KNDC1: variants seen among roughly 807,000 people sequenced by gnomAD.
The protein encoded by KNDC1 is kinase non-catalytic C-lobe domain-containing protein 1.
In KNDC1, 106 loss-of-function variants were observed where a neutral mutation model predicts 172.8. The observed-to-expected ratio is 0.61, with a 90% confidence interval of 0.52 to 0.72. The LOEUF (loss-of-function observed/expected upper bound fraction) is 0.72, where lower values mean the gene tolerates loss of function less well. Ranked by LOEUF, KNDC1 falls within the 30% of genes least tolerant of loss-of-function variation. The pLI is 0.00. For synonymous variants in KNDC1, 1,083 were observed against 1,062.2 expected, an observed-to-expected ratio of 1.02 and a Z score of -0.38; for missense variants, 2,325 against 2,394.5, an observed-to-expected ratio of 0.97 and a Z score of 0.61.
At position 133,206,858 on chromosome 10, in the gene KNDC1, T is replaced by G; in HGVS notation, c.3484T>G (p.Ser1162Ala). ...CACCCACTCTGCTCCACCCACAGGTTCCGACGTCAAGACCATGCTGTCCAA... is the reference window on the plus strand; with the variant it reads ...CACCCACTCTGCTCCACCCACAGGTGCCGACGTCAAGACCATGCTGTCCAA... ...LLQKEKRNKG[S>A]DVKTMLSKLK... Residue 1162 changes from serine (S) to alanine (A), a missense_variant and splice_region_variant, in exon 19 of 30, where the codon TCC becomes GCC. Ser to Ala is a moderately conservative substitution (Grantham distance 99). Coordinates refer to ENST00000304613, the MANE Select transcript of KNDC1 (RefSeq NM_152643.8). 1 of 1,614,086 alleles carries G rather than the reference T, an allele frequency of 6.2e-7. No individual in the cohort carries two copies. The highest frequency in any genetic ancestry group is 1.7e-5 in the Admixed American group (1 of 60,016).
Position 133,224,028 on chromosome 10 carries a change from T to C in KNDC1, c.5019-631T>C, listed in dbSNP as rs1371203808. ...CCATCCAGGCATGCTCTTCCCGGCG[T>C]GTGTGTGTGTGAGAGCCCATCCAGG... On this transcript the variant is annotated intron_variant, in intron 29 of 29. Coordinates refer to ENST00000304613, the MANE Select transcript of KNDC1 (RefSeq NM_152643.8). The surrounding 1 kb of genome is among the most constrained non-coding windows in gnomAD (Gnocchi z 5.4). Among the ~76,000 whole-genome samples the C allele has an allele frequency of 3.3e-5, 5 of 150,818 alleles. No homozygotes were observed. The highest frequency in any genetic ancestry group is 1.2e-4 in the African/African-American group (5 of 40,938).
chr10:133,167,404 C>T lies in KNDC1; in HGVS notation c.126C>T (p.Ile42=), dbSNP rs1243316872. 2 of 1,595,484 alleles carry T rather than the reference C, an allele frequency of 1.3e-6. No homozygotes were observed. Among genetic ancestry groups the T allele is most frequent in the South Asian group, 2.3e-5 (2 of 87,614 alleles). Residue 42 remains isoleucine, a synonymous_variant, in exon 2 of 30, where the codon ATC becomes ATT. Transcript: ENST00000304613. ...AGGAGAACGTGTCTCTGGCTGACATCCTCTCCCTGCGGGACCGCGGCCTCA... is the reference window on the plus strand; with the variant it reads ...AGGAGAACGTGTCTCTGGCTGACATTCTCTCCCTGCGGGACCGCGGCCTCA... ...EDEENVSLAD[I]LSLRDRGLSE... is the part of the protein sequence containing the mutation.
At chr10:133,194,914 G>A (rs1028598708) in intron 9 of KNDC1, among the ~76,000 whole-genome samples, 3 of 152,184 alleles carry the variant, frequency 2.0e-5, no homozygotes, top group South Asian at 2.1e-4. Flanking sequence ...GATATCAACC[G>A]CGACCATCTG....
intron 5 of KNDC1, among the ~76,000 whole-genome samples, chr10:133,185,665 A>G (rs1426239228): frequency 6.6e-6 from 1 of 151,022 alleles, no homozygotes; most frequent in Non-Finnish European, 1.5e-5. Context: ...GGATGAGATA[A>G]TTAGGTCCAG....
At chr10:133,164,371 A>T (rs1467756325) in intron 1 of KNDC1, 2 of 152,366 alleles carry the variant, frequency 1.3e-5, no homozygotes, top group Non-Finnish European at 2.9e-5. Context: ...CTGGCCAGCC[A>T]CAACAAGGTC....
chr10:133,195,229 C>T (rs1854155037), intron 9 of KNDC1, among the ~76,000 whole-genome samples: 1 of 152,206 alleles, frequency 6.6e-6, no homozygotes, highest in Admixed American at 6.5e-5. Flanking sequence ...TGTGTTCGCT[C>T]GGAGAGCCAG....
chr10:133,184,424 T>TCA (rs5789155), intron 5 of KNDC1, among the ~76,000 whole-genome samples: 128,086 of 151,980 alleles, frequency 0.84, 54,169 homozygotes, highest in Middle Eastern at 0.91. Context: ...ACTCACACAT[T>TCA]CAGAGATCAC....
At chr10:133,197,546 G>T in intron 11 of KNDC1, 129 bp from the exon 12 acceptor site, 2 of 750,410 alleles carry the variant, frequency 2.7e-6, no homozygotes, top group South Asian at 1.5e-5. Context: ...CCGTGTGGCC[G>T]CCATGCCCGG....
intron 9 of KNDC1, among the ~76,000 whole-genome samples, chr10:133,194,147 A>G (rs530985146): frequency 6.6e-6 from 1 of 152,206 alleles, no homozygotes. Flanking sequence ...CCCACTGACT[A>G]TACACCAAGC....
chr10:133,161,164 C>T (rs548436342), intron 1 of KNDC1, among the ~76,000 whole-genome samples: 1 of 152,304 alleles, frequency 6.6e-6, no homozygotes, highest in African/African-American at 2.4e-5. Context: ...ACCGGCTGCC[C>T]AGACGCCACC....
At chr10:133,162,865 G>A (rs549530161) in intron 1 of KNDC1, among the ~76,000 whole-genome samples, 2 of 152,374 alleles carry the variant, frequency 1.3e-5, no homozygotes, top group African/African-American at 2.4e-5. Context: ...CCAGAGACAC[G>A]TGGCCGTGCG....
At position 133,207,152 on chromosome 10, in the gene KNDC1, C is replaced by T. The variant is rs772078496; in HGVS notation, c.3595C>T (p.Arg1199Cys). 12 of 1,595,376 alleles carry T rather than the reference C, an allele frequency of 7.5e-6. No homozygotes were observed. In the Admixed American group the frequency reaches 1.2e-4, roughly 16 times the overall value. Residue 1199 changes from arginine (R) to cysteine (C), a missense_variant, in exon 20 of 30, where the codon CGC (arginine) becomes TGC (cysteine). Physicochemically the swap from Arg to Cys is radical, Grantham distance 180 (BLOSUM62 -3). Coordinates refer to ENST00000304613, the MANE Select transcript of KNDC1 (RefSeq NM_152643.8). ...GCTCCGGCAGGTCATGTACGCGGAACGCTGGGGCCTGGAGCCCTGCACCCT... is the reference window on the plus strand; with the variant it reads ...GCTCCGGCAGGTCATGTACGCGGAATGCTGGGGCCTGGAGCCCTGCACCCT... ...KKYLQVMYAE[R>C]WGLEPCTLPV...
Position 133,214,055 on chromosome 10 carries a change from T to C in KNDC1, c.4610T>C (p.Leu1537Pro). Reference protein sequence around the residue: ...NYVQDKYLLQLLRNADDVSTW... With the variant: ...NYVQDKYLLQPLRNADDVSTW... ...GTTCAGGACAAGTATCTGTTACAGC[T>C]TCTAAGAAACGCAGATGACGTCAGC... is the stretch of plus-strand genomic sequence containing the variant. Residue 1537 changes from leucine to proline, a missense_variant, in exon 26 of 30, where the codon CTT becomes CCT. Physicochemically the swap from Leu to Pro is moderately conservative, Grantham distance 98. Transcript: ENST00000304613. 1 of 1,614,186 alleles carries C rather than the reference T, an allele frequency of 6.2e-7. No individual in the cohort carries two copies. Among genetic ancestry groups the C allele is most frequent in the Non-Finnish European group, 8.5e-7 (1 of 1,180,006 alleles).
intron 3 of KNDC1, chr10:133,178,916 G>C (rs1212959772): frequency 1.8e-4 from 28 of 152,224 alleles, no homozygotes; most frequent in Admixed American, 1.7e-3. Flanking sequence ...GCTCTCAGGA[G>C]AGCCGCCCTC....
Position 133,168,320 on chromosome 10 carries a change from C to T in KNDC1, c.360+8C>T. The T allele has an allele frequency of 3.1e-6, 5 of 1,613,602 alleles. No individual in the cohort carries two copies. Among genetic ancestry groups the T allele is most frequent in the Non-Finnish European group, 4.2e-6 (5 of 1,179,500 alleles). ...ACCGGGAACACCTTTGAGGTAAGTG[C>T]AGGTGGGGGTAATGTGCCACACCCC... On this transcript the variant is annotated splice_region_variant and intron_variant, in intron 3 of 29. Coordinates refer to ENST00000304613, the MANE Select transcript of KNDC1 (RefSeq NM_152643.8).
chr10:133,183,205 C>T (rs1853776800), intron 3 of KNDC1, 139 bp from the exon 4 acceptor site: 4 of 1,071,932 alleles, frequency 3.7e-6, no homozygotes, highest in South Asian at 3.3e-5. Flanking sequence ...GTGTGGGCAG[C>T]GTGGGCACGG....
intron 3 of KNDC1, among the ~76,000 whole-genome samples, chr10:133,169,664 CGTGGCCTGGTGGCCGGGACATGGTGT>C (rs1050823233): frequency 2.0e-5 from 3 of 152,016 alleles, no homozygotes; most frequent in African/African-American, 4.8e-5. Flanking sequence ...TGACGCGGCA[CGTGGCCTGGTGGCCGGGACATGGTGT>C]GTGGCCTGGT....
At chr10:133,178,043 G>A (rs1393503073) in intron 3 of KNDC1, among the ~76,000 whole-genome samples, 1 of 151,424 alleles carries the variant, frequency 6.6e-6, no homozygotes, top group East Asian at 1.9e-4. Flanking sequence ...ATGGGCACAC[G>A]TGTGTAGCAT....
At position 133,199,341 on chromosome 10, in the gene KNDC1, A is replaced by G. The variant is rs2135998112; in HGVS notation, c.2758+75A>G. Reference sequence around the variant, plus strand: ...CCCACAGGGGACTCGGGGCCGCCCCACGCCCTTCCCCCAGCCCCCCAGCCG... The same window carrying G: ...CCCACAGGGGACTCGGGGCCGCCCCGCGCCCTTCCCCCAGCCCCCCAGCCG... On this transcript the variant is annotated intron_variant, in intron 14 of 29. Coordinates refer to ENST00000304613, the MANE Select transcript of KNDC1 (RefSeq NM_152643.8). The G allele has an allele frequency of 5.1e-6, 8 of 1,556,682 alleles. No homozygotes were observed. The Admixed American group carries it at 1.3e-4, about 25-fold the overall frequency.
Sources: allele counts gnomAD v4.1 joint callset (sites outside exome capture counted in the v4.1 genomes callset), GRCh38; gene constraint gnomAD v4.1.1; non-coding constraint Gnocchi (gnomAD v3.1); transcripts MANE v1.5; gene names NCBI Gene and HGNC (gene_info 2026-07-23, HGNC 2026-07-21).